The following MCOLN3 variants were observed in gnomAD, a reference collection of about 807,000 sequenced individuals.
MCOLN3 encodes the protein mucolipin-3.
MCOLN3 carries 62 observed loss-of-function variants against 69.4 expected under a neutral mutation model. That is an observed-to-expected ratio of 0.89 (90% CI 0.73 to 1.10). MCOLN3 has a LOEUF of 1.10. Ranked by LOEUF, MCOLN3 falls within the 50% of genes least tolerant of loss-of-function variation. MCOLN3 has a pLI of 0.00. For missense variants in MCOLN3, 564 were observed against 656.4 expected (o/e 0.86, Z 1.54); for synonymous variants, 183 against 217.0 (o/e 0.84, Z 1.38).
Position 85,026,291 on chromosome 1 carries a change from G to A in MCOLN3, c.833-7C>T. The stretch of plus-strand genomic sequence containing the variant: ...TAATGAGTGTTCTTCTGAACTGAAA[G>A]CAAAGAGGATTACATAGTGCTTATG... On this transcript the variant is annotated splice_region_variant and splice_polypyrimidine_tract_variant and intron_variant, in intron 7 of 12. Coordinates refer to ENST00000370589, the MANE Select transcript of MCOLN3 (RefSeq NM_018298.11). 3 of 1,587,362 alleles carry A rather than the reference G, an allele frequency of 1.9e-6. No homozygotes were observed. Among genetic ancestry groups the A allele is most frequent in the Non-Finnish European group, 2.6e-6 (3 of 1,155,748 alleles).
chr1:85,046,493 T>A (rs1223829955), intron 1 of MCOLN3, among the ~76,000 whole-genome samples: 1 of 152,172 alleles, frequency 6.6e-6, no homozygotes, highest in Non-Finnish European at 1.5e-5. Flanking sequence ...AAACAATGAG[T>A]AGCGTCCTTC....
chr1:85,046,625 T>A (rs1242322473), intron 1 of MCOLN3, among the ~76,000 whole-genome samples: 1 of 152,212 alleles, frequency 6.6e-6, no homozygotes, highest in Non-Finnish European at 1.5e-5. Flanking sequence ...TTAGATACCA[T>A]GCTGCTTTCC....
chr1:85,032,793 CT>C lies in MCOLN3; in HGVS notation c.636-2del. 6.2e-7 allele frequency: 1 copy of C among 1,613,932 alleles called. No individual in the cohort carries two copies. Among genetic ancestry groups the C allele is most frequent in the Non-Finnish European group, 8.5e-7 (1 of 1,179,814 alleles). On this transcript the variant is annotated splice_acceptor_variant, in intron 5 of 12. Transcript: ENST00000370589. LOFTEE classifies it high-confidence loss of function. Reference sequence around the variant, plus strand: ...AAACTGAAGCTCCACTGTTAGGAGTCTAGAAAACAGAGGTGATTTTAGTTCT... The same window carrying C: ...AAACTGAAGCTCCACTGTTAGGAGTCAGAAAACAGAGGTGATTTTAGTTCT...
chr1:85,040,067 T>C (rs528990699), intron 3 of MCOLN3, among the ~76,000 whole-genome samples: 3 of 152,232 alleles, frequency 2.0e-5, no homozygotes, highest in Admixed American at 2.0e-4. Context: ...AAACGTAATA[T>C]ACTTAAAATT....
chr1:85,021,359 T>C (rs1651931799), intron 11 of MCOLN3, 83 bp from the exon 12 acceptor site: 2 of 1,150,616 alleles, frequency 1.7e-6, no homozygotes, highest in East Asian at 2.4e-5. Context: ...GTATTAAACA[T>C]AAAGGGACCA....
intron 7 of MCOLN3, among the ~76,000 whole-genome samples, chr1:85,026,648 T>C (rs1289219027): frequency 6.6e-6 from 1 of 151,454 alleles, no homozygotes; most frequent in African/African-American, 2.4e-5. Flanking sequence ...TCCCAGCTAC[T>C]TGGGAGGCTG....
At chr1:85,025,670 G>A (rs578018291) in intron 9 of MCOLN3, 17 of 299,510 alleles carry the variant, frequency 5.7e-5, no homozygotes, top group Middle Eastern at 1.9e-3. Context: ...AGGCCCCGCC[G>A]AAGAGTCTGA....
intron 7 of MCOLN3, among the ~76,000 whole-genome samples, chr1:85,027,900 T>C (rs989236324): frequency 2.0e-5 from 3 of 152,176 alleles, no homozygotes; most frequent in African/African-American, 7.2e-5. Context: ...TTTAACAAGT[T>C]AGACTGCTCT....
intron 12 of MCOLN3, 127 bp from the exon 13 acceptor site, chr1:85,019,384 T>A: frequency 1.1e-6 from 1 of 873,196 alleles, no homozygotes; most frequent in Non-Finnish European, 1.8e-6. Context: ...TACTCCTGAG[T>A]ACCTGCAAAG....
At chr1:85,023,102 CAG>C (rs1283038569) in intron 9 of MCOLN3, 1 of 74,864 alleles carries the variant, frequency 1.3e-5, no homozygotes, top group African/African-American at 5.0e-5. Context: ...TTTTTGGAAA[CAG>C]GGGTCTCACT....
At position 85,021,277 on chromosome 1, in the gene MCOLN3, C is replaced by A; in HGVS notation, c.1321-1G>T. On this transcript the variant is annotated splice_acceptor_variant, in intron 11 of 12. Coordinates refer to ENST00000370589, the MANE Select transcript of MCOLN3 (RefSeq NM_018298.11). LOFTEE classifies it high-confidence loss of function. ...CAGAGACCATGTTCAGAGAACGAAA[C>A]TGGAAAAAGAAAAGAGAAAAGTTCA... 1 of 1,604,804 alleles carries A rather than the reference C, an allele frequency of 6.2e-7. No individual in the cohort carries two copies. The highest frequency in any genetic ancestry group is 8.5e-7 in the Non-Finnish European group (1 of 1,177,222).
At chr1:85,022,484 A>C (rs781358769) in intron 9 of MCOLN3, 84 bp from the exon 10 acceptor site, 4 of 892,502 alleles carry the variant, frequency 4.5e-6, no homozygotes, top group Non-Finnish European at 7.1e-6. Context: ...TGAGTAAGGC[A>C]CTGTTTTAGG....
intron 2 of MCOLN3, among the ~76,000 whole-genome samples, chr1:85,044,736 C>G (rs1485335794): frequency 6.6e-6 from 1 of 152,154 alleles, no homozygotes; most frequent in African/African-American, 2.4e-5. Flanking sequence ...GTAGCAGGAA[C>G]CCTTTAAGTT....
Position 85,018,422 on chromosome 1 carries a change from C to T in MCOLN3, c.*701G>A, listed in dbSNP as rs1428969930. 6.6e-6 allele frequency: 1 copy of T among 152,122 alleles called. No homozygotes were observed. The highest frequency in any genetic ancestry group is 2.4e-5 in the African/African-American group (1 of 41,402). 9.4% of individuals were successfully genotyped at this position (152,122 alleles called of 1,614,324 possible). ...GTAACATGTTGTACAGATTTGTACC[C>T]CAGGACCAACAGGCTATACCAAATA... On this transcript the variant is annotated 3_prime_UTR_variant, in exon 13 of 13. Coordinates refer to ENST00000370589, the MANE Select transcript of MCOLN3 (RefSeq NM_018298.11).
intron 7 of MCOLN3, among the ~76,000 whole-genome samples, chr1:85,028,878 T>C (rs1159543774): frequency 1.3e-5 from 2 of 152,168 alleles, no homozygotes; most frequent in Non-Finnish European, 2.9e-5. Flanking sequence ...GAGTACATTC[T>C]TGGTCAGGAG....
At chr1:85,038,631 A>C (rs1240908521) in intron 3 of MCOLN3, among the ~76,000 whole-genome samples, 1 of 152,078 alleles carries the variant, frequency 6.6e-6, no homozygotes, top group Admixed American at 6.6e-5. Context: ...AGTAACAATC[A>C]CCTCAACTAT....
At chr1:85,035,950 T>C (rs1366089315) in intron 3 of MCOLN3, among the ~76,000 whole-genome samples, 1 of 152,248 alleles carries the variant, frequency 6.6e-6, no homozygotes, top group Non-Finnish European at 1.5e-5. Context: ...GCTCTCTCTT[T>C]AGTCTGCTGT....
chr1:85,029,066 T>G (rs1381264314), intron 7 of MCOLN3, 40 bp downstream of exon 7: 2 of 1,275,812 alleles, frequency 1.6e-6, no homozygotes, highest in Non-Finnish European at 2.3e-6. Context: ...TTTACATTAT[T>G]TAATAACCAT....
At chr1:85,046,344 G>A (rs1653354201) in intron 1 of MCOLN3, among the ~76,000 whole-genome samples, 1 of 152,004 alleles carries the variant, frequency 6.6e-6, no homozygotes, top group Admixed American at 6.6e-5. Context: ...GGGTTGGGTC[G>A]GGCTGGTTTT....
Sources: allele counts gnomAD v4.1 joint callset (sites outside exome capture counted in the v4.1 genomes callset), GRCh38; gene constraint gnomAD v4.1.1; transcripts MANE v1.5; gene names NCBI Gene and HGNC (gene_info 2026-07-23, HGNC 2026-07-21).